KALRN: variants seen among roughly 807,000 people sequenced by gnomAD.
KALRN encodes the protein kalirin RhoGEF kinase, also known as kalirin.
Under a neutral mutation model 353.7 loss-of-function variants are expected in KALRN, and 70 were observed. That is an observed-to-expected ratio of 0.20 (90% CI 0.16 to 0.24). The LOEUF (loss-of-function observed/expected upper bound fraction) is 0.24. Ranked by LOEUF, KALRN falls within the 10% of genes least tolerant of loss-of-function variation. KALRN has a pLI of 1.00. For synonymous variants in KALRN, 1,391 were observed against 1,434.8 expected, an observed-to-expected ratio of 0.97 and a Z score of 0.69; for missense variants, 2,791 against 3,756.7, an observed-to-expected ratio of 0.74 and a Z score of 6.72.
intron 37 of KALRN, among the ~76,000 whole-genome samples, chr3:124,642,806 G>GTTTTTTTTTTTTTGTTGTTGTTTTT (rs2082213566): frequency 4.1e-5 from 4 of 96,840 alleles, no homozygotes; most frequent in African/African-American, 1.8e-4. Flanking sequence ...CCCAAGCCTC[G>GTTTTTTTTTTTTTGTTGTTGTTTTT]TTTTTTTTTT....
At chr3:124,367,572 C>A (rs1167853551) in intron 10 of KALRN, among the ~76,000 whole-genome samples, 1 of 61,462 alleles carries the variant, frequency 1.6e-5, no homozygotes, top group Non-Finnish European at 3.2e-5. Flanking sequence ...CTCCTCACTT[C>A]CCAGTAGGGG....
chr3:124,580,947 A>AAATAATAAT (rs145377277), intron 34 of KALRN, among the ~76,000 whole-genome samples: 4 of 147,530 alleles, frequency 2.7e-5, no homozygotes, highest in African/African-American at 1.0e-4. Flanking sequence ...GTCTCTATTA[A>AAATAATAAT]AATAATAATA....
In KALRN at chr3:124,582,336, A is replaced by G. The variant is rs1379709895; in HGVS notation, c.5182+19247A>G. ...GCGCCCAGCCAACATGAGCAATTTG[A>G]ACTGTAATTTCTCTGTTTTTGTATG... On this transcript the variant is annotated intron_variant, in intron 34 of 59. Coordinates refer to ENST00000682506, the MANE Select transcript of KALRN (RefSeq NM_001388419.1). Among the ~76,000 whole-genome samples the G allele has an allele frequency of 2.0e-5, 3 of 152,244 alleles. No homozygotes were observed. In the East Asian group the frequency reaches 5.8e-4, roughly 29 times the overall value.
chr3:124,500,295 GT>G (rs1392303931), intron 33 of KALRN, among the ~76,000 whole-genome samples: 1 of 152,116 alleles, frequency 6.6e-6, no homozygotes, highest in Non-Finnish European at 1.5e-5. Flanking sequence ...AAATTATCTT[GT>G]CCAGTGTGTT....
At chr3:124,265,473 A>C (rs1460230224) in intron 4 of KALRN, among the ~76,000 whole-genome samples, 1 of 150,946 alleles carries the variant, frequency 6.6e-6, no homozygotes, top group Non-Finnish European at 1.5e-5. Context: ...TTGTGTTTTT[A>C]GTAGAGATAG....
At chr3:124,088,667 C>T (rs1039299233) in intron 1 of KALRN, among the ~76,000 whole-genome samples, 9 of 152,130 alleles carry the variant, frequency 5.9e-5, no homozygotes, top group Admixed American at 2.0e-4. Context: ...TTATCTCCAT[C>T]CAAAAGATGA....
intron 3 of KALRN, among the ~76,000 whole-genome samples, chr3:124,235,216 G>T (rs1033014809): frequency 6.6e-6 from 1 of 152,156 alleles, no homozygotes; most frequent in Non-Finnish European, 1.5e-5. Flanking sequence ...CACTGATTTA[G>T]GTCATGCATT....
At chr3:124,065,488 A>G (rs775844173) in intron 1 of KALRN, among the ~76,000 whole-genome samples, 24 of 152,230 alleles carry the variant, frequency 1.6e-4, no homozygotes, top group Non-Finnish European at 2.9e-4. Flanking sequence ...GTGAAATGTC[A>G]GGATGTCTGC....
chr3:124,697,709 G>T lies in KALRN; in HGVS notation c.7816G>T (p.Glu2606Ter). 1 of 1,580,484 alleles carries T rather than the reference G, an allele frequency of 6.3e-7. No individual in the cohort carries two copies. The highest frequency in any genetic ancestry group is 8.6e-7 in the Non-Finnish European group (1 of 1,163,968). Reference protein sequence around the residue: ...GNCTISGYTVEYREEGSQIWQ... With the variant: ...GNCTISGYTV ...CTGCACTATTTCTGGTTACACTGTG[G>T]AGTACAGAGAGGAAGGTGCACTATC... The change falls in exon 55 of 60, where the codon GAG (glutamate) becomes TAG (stop). Residue 2606 changes from glutamate to a stop codon, truncating the protein, a stop_gained. Coordinates refer to ENST00000682506, the MANE Select transcript of KALRN (RefSeq NM_001388419.1). LOFTEE classifies it high-confidence loss of function.
At chr3:124,626,252 C>T (rs1264045251) in intron 34 of KALRN, among the ~76,000 whole-genome samples, 1 of 152,054 alleles carries the variant, frequency 6.6e-6, no homozygotes, top group Non-Finnish European at 1.5e-5. Context: ...TGTTTAACAA[C>T]ATGGATAAGA....
intron 6 of KALRN, among the ~76,000 whole-genome samples, chr3:124,305,904 A>T (rs1471200032): frequency 1.3e-5 from 2 of 152,186 alleles, no homozygotes; most frequent in Non-Finnish European, 2.9e-5. Flanking sequence ...GAAAAAAAAT[A>T]AAAAACAGTC....
At chr3:124,218,616 G>A (rs147260927) in intron 1 of KALRN, among the ~76,000 whole-genome samples, 144 of 152,314 alleles carry the variant, frequency 9.5e-4, no homozygotes, top group African/African-American at 3.0e-3. Flanking sequence ...AAAGGAATCA[G>A]TTTCAAAACA....
chr3:124,491,172 A>G (rs2063123256), intron 30 of KALRN, 151 bp from the exon 31 acceptor site: 1 of 581,482 alleles, frequency 1.7e-6, no homozygotes, highest in Non-Finnish European at 3.0e-6. Context: ...TCCTGGGTAG[A>G]TGAACAGAAT....
At chr3:124,294,801 A>G (rs566485635) in intron 5 of KALRN, among the ~76,000 whole-genome samples, 1 of 152,310 alleles carries the variant, frequency 6.6e-6, no homozygotes, top group East Asian at 1.9e-4. Context: ...GAGAATCAAC[A>G]AAACTATTTT....
chr3:124,493,129 G>A (rs1167391472), intron 32 of KALRN, among the ~76,000 whole-genome samples: 4 of 152,218 alleles, frequency 2.6e-5, no homozygotes, highest in Non-Finnish European at 5.9e-5. Context: ...AAAAGGAAGT[G>A]TAAGATGAGT....
intron 27 of KALRN, among the ~76,000 whole-genome samples, chr3:124,478,763 T>C (rs3755674): frequency 0.15 from 22,204 of 152,206 alleles, 2,444 homozygotes; most frequent in East Asian, 0.5. Context: ...AAGTTTTAAA[T>C]GCATTGTGTC....
intron 28 of KALRN, among the ~76,000 whole-genome samples, chr3:124,485,058 T>C (rs897054821): frequency 1.1e-4 from 17 of 152,140 alleles, no homozygotes; most frequent in Non-Finnish European, 1.5e-4. Context: ...ATCATGCCAC[T>C]GCACTACACC....
intron 1 of KALRN, among the ~76,000 whole-genome samples, chr3:124,092,539 G>A (rs1402921393): frequency 6.6e-6 from 1 of 152,348 alleles, no homozygotes; most frequent in East Asian, 1.9e-4. Flanking sequence ...CCCATGGCAT[G>A]TCAGCACTGC....
At chr3:124,387,886 A>C (rs1270193532) in intron 11 of KALRN, among the ~76,000 whole-genome samples, 12 of 151,940 alleles carry the variant, frequency 7.9e-5, no homozygotes, top group Admixed American at 7.9e-4. Context: ...ATGCAGTGGG[A>C]CTTTGTATCT....
Sources: gnomAD v4.1 joint callset for allele counts (sites outside exome capture counted in the v4.1 genomes callset) on GRCh38, gnomAD v4.1.1 for gene constraint, MANE v1.5 for transcripts, NCBI Gene and HGNC (gene_info 2026-07-23, HGNC 2026-07-21) for gene names.